The following AKAP6 variants were observed in gnomAD, a reference collection of about 807,000 sequenced individuals.
The protein encoded by AKAP6 is A-kinase anchoring protein 6, also known as A-kinase anchor protein 6.
AKAP6 carries 58 observed loss-of-function variants against 188.5 expected under a neutral mutation model. That is an observed-to-expected ratio of 0.31 (90% CI 0.25 to 0.38). AKAP6 has a LOEUF of 0.38. AKAP6 is among the 10% of genes least tolerant of loss of function. The pLI, the probability that AKAP6 is intolerant of heterozygous loss-of-function variation, is 1.00. For synonymous variants in AKAP6, 989 were observed against 998.6 expected (o/e 0.99, Z 0.18); for missense variants, 2,710 against 2,740.0 (o/e 0.99, Z 0.24).
At chr14:32,430,725 C>A (rs535109687) in intron 1 of AKAP6, among the ~76,000 whole-genome samples, 7 of 152,262 alleles carry the variant, frequency 4.6e-5, no homozygotes, top group African/African-American at 1.7e-4. Context: ...ACCTTATTAA[C>A]CTTTATGTAT....
chr14:32,797,484 C>T (rs1331814701), intron 12 of AKAP6, among the ~76,000 whole-genome samples: 2 of 152,152 alleles, frequency 1.3e-5, no homozygotes, highest in African/African-American at 4.8e-5. Flanking sequence ...GAGTTGAAAG[C>T]TGTTATCCTC....
intron 11 of AKAP6, among the ~76,000 whole-genome samples, chr14:32,760,854 T>A (rs1257772476): frequency 6.6e-6 from 1 of 152,214 alleles, no homozygotes; most frequent in Non-Finnish European, 1.5e-5. Flanking sequence ...AATTTACCAG[T>A]TGACTAATAT....
At chr14:32,424,751 G>A (rs1405714494) in intron 1 of AKAP6, among the ~76,000 whole-genome samples, 1 of 152,134 alleles carries the variant, frequency 6.6e-6, no homozygotes, top group East Asian at 1.9e-4. Flanking sequence ...AGAACATGCA[G>A]TATTTGGTTT....
intron 2 of AKAP6, among the ~76,000 whole-genome samples, chr14:32,518,067 G>A (rs1354904378): frequency 1.3e-5 from 2 of 152,198 alleles, no homozygotes; most frequent in African/African-American, 4.8e-5. Flanking sequence ...CTGTGCTGGT[G>A]ATACCCAGGC....
rs2034597137 is a variant in AKAP6, at chr14:32,823,755, A to G, written c.5942A>G (p.Glu1981Gly). The change falls in exon 13 of 14, where the codon GAG (glutamate) becomes GGG (glycine). Residue 1981 changes from glutamate to glycine, a missense_variant. Coordinates refer to ENST00000280979, the MANE Select transcript of AKAP6 (RefSeq NM_004274.5). The part of the protein sequence containing the change: ...ENQSTASTPT[E>G]KSFSELALET... Reference sequence around the variant, plus strand: ...CAAAGCACTGCCTCTACTCCCACTGAGAAGTCTTTCTCAGAACTGGCTTTA... The same window carrying G: ...CAAAGCACTGCCTCTACTCCCACTGGGAAGTCTTTCTCAGAACTGGCTTTA... 1.2e-6 allele frequency: 2 copies of G among 1,613,760 alleles called. No individual in the cohort carries two copies. The highest frequency in any genetic ancestry group is 4.5e-5 in the East Asian group (2 of 44,882).
At chr14:32,808,237 G>T (rs2300855) in intron 12 of AKAP6, among the ~76,000 whole-genome samples, 60,361 of 152,058 alleles carry the variant, frequency 0.4, 12,119 homozygotes, top group Non-Finnish European at 0.42. Flanking sequence ...GTCAGAAAGG[G>T]TCAATTGATT....
At chr14:32,500,800 G>A (rs192954522) in intron 2 of AKAP6, among the ~76,000 whole-genome samples, 1 of 152,208 alleles carries the variant, frequency 6.6e-6, no homozygotes, top group Admixed American at 6.6e-5. Context: ...CAGGTATGAT[G>A]GTCATAGTCA....
At chr14:32,573,829 G>T (rs746210851) in intron 4 of AKAP6, among the ~76,000 whole-genome samples, 6 of 152,112 alleles carry the variant, frequency 3.9e-5, no homozygotes, top group Non-Finnish European at 8.8e-5. Flanking sequence ...TATTTGTTGT[G>T]TGTGTCCAAA....
At chr14:32,338,014 T>C (rs1173421057) in intron 1 of AKAP6, among the ~76,000 whole-genome samples, 1 of 152,018 alleles carries the variant, frequency 6.6e-6, no homozygotes, top group Non-Finnish European at 1.5e-5. Context: ...AGCAAGACCC[T>C]GGCTCAAACA....
intron 5 of AKAP6, among the ~76,000 whole-genome samples, chr14:32,586,758 T>G (rs1885268404): frequency 6.6e-6 from 1 of 152,240 alleles, no homozygotes; most frequent in Admixed American, 6.5e-5. Context: ...TACTTACAAA[T>G]ATGCCATAAT....
At chr14:32,509,777 A>G (rs553236685) in intron 2 of AKAP6, among the ~76,000 whole-genome samples, 58 of 152,130 alleles carry the variant, frequency 3.8e-4, no homozygotes, top group African/African-American at 1.3e-3. Flanking sequence ...GAACTCCCAG[A>G]TTTGGTTTGG....
At chr14:32,556,692 CT>C (rs1445808912) in intron 4 of AKAP6, among the ~76,000 whole-genome samples, 1 of 152,164 alleles carries the variant, frequency 6.6e-6, no homozygotes, top group East Asian at 1.9e-4. Context: ...AAATTATTTT[CT>C]CCCATTCTGT....
rs527615231 is a variant in AKAP6, at chr14:32,647,815, T to C, written c.2731-30496T>C. ...CTAGTCTGCCCAACTCTATGAAATATGCCTTGTTATTCAGAGCACAAACAT... is the reference window on the plus strand; with the variant it reads ...CTAGTCTGCCCAACTCTATGAAATACGCCTTGTTATTCAGAGCACAAACAT... On this transcript the variant is annotated intron_variant, in intron 7 of 13. Coordinates refer to ENST00000280979, the MANE Select transcript of AKAP6 (RefSeq NM_004274.5). Among the ~76,000 whole-genome samples, 11 of 152,250 alleles carry C rather than the reference T, an allele frequency of 7.2e-5. No individual in the cohort carries two copies. In the East Asian group the frequency reaches 2.1e-3, roughly 29 times the overall value.
chr14:32,719,280 G>A (rs1303805073), intron 9 of AKAP6, among the ~76,000 whole-genome samples: 1 of 152,184 alleles, frequency 6.6e-6, no homozygotes, highest in African/African-American at 2.4e-5. Context: ...CCATCGCATG[G>A]TAAATTCTGG....
intron 4 of AKAP6, among the ~76,000 whole-genome samples, chr14:32,576,058 A>G (rs1349220806): frequency 1.3e-5 from 2 of 152,168 alleles, no homozygotes; most frequent in African/African-American, 2.4e-5. Flanking sequence ...TATCTAGGAA[A>G]AACCCTAATG....
At chr14:32,795,833 GAA>G (rs1178873768) in intron 12 of AKAP6, among the ~76,000 whole-genome samples, 1 of 152,160 alleles carries the variant, frequency 6.6e-6, no homozygotes, top group Middle Eastern at 3.2e-3. Context: ...AGGAAGAGAG[GAA>G]GTCAAATCAT....
At chr14:32,573,282 C>G (rs938827473) in intron 4 of AKAP6, among the ~76,000 whole-genome samples, 7 of 152,154 alleles carry the variant, frequency 4.6e-5, no homozygotes, top group Non-Finnish European at 7.4e-5. Flanking sequence ...ATAAAATGTA[C>G]TTTTCATGTA....
intron 2 of AKAP6, chr14:32,438,928 C>T (rs1440740918): frequency 6.6e-6 from 1 of 152,168 alleles, no homozygotes; most frequent in Admixed American, 6.5e-5. Flanking sequence ...AACGTGATAG[C>T]AGGAAAGAGG....
chr14:32,607,230 C>G (rs555687828), intron 7 of AKAP6, among the ~76,000 whole-genome samples: 1 of 152,300 alleles, frequency 6.6e-6, no homozygotes, highest in Admixed American at 6.5e-5. Flanking sequence ...GCATTCTTTT[C>G]TTTTCTGGCT....
Sources: allele counts gnomAD v4.1 joint callset (sites outside exome capture counted in the v4.1 genomes callset), GRCh38; gene constraint gnomAD v4.1.1; transcripts MANE v1.5; gene names NCBI Gene and HGNC (gene_info 2026-07-23, HGNC 2026-07-21).